The following TBCK variants were observed in gnomAD, a reference collection of about 807,000 sequenced individuals.
The protein encoded by TBCK is TBC domain-containing protein kinase-like protein.
A neutral mutation model predicts 113.4 loss-of-function variants in TBCK; 99 were observed. The ratio of observed to expected loss-of-function variants is 0.87; its 90% confidence interval spans 0.74 to 1.03. TBCK has a LOEUF of 1.03. Ranked by LOEUF, TBCK falls within the 50% of genes least tolerant of loss-of-function variation. TBCK has a pLI of 0.00. For missense variants in TBCK, 1,045 were observed against 1,061.3 expected (o/e 0.98, Z 0.21); for synonymous variants, 369 against 370.8 (o/e 1.00, Z 0.05).
chr4:106,126,252 G>T (rs1745199826), intron 23 of TBCK, among the ~76,000 whole-genome samples: 1 of 151,996 alleles, frequency 6.6e-6, no homozygotes, highest in African/African-American at 2.4e-5. Flanking sequence ...CAGGTATCTG[G>T]TATACATCTT....
intron 22 of TBCK, among the ~76,000 whole-genome samples, chr4:106,193,034 A>G (rs940564232): frequency 3.9e-5 from 6 of 152,124 alleles, no homozygotes; most frequent in African/African-American, 1.4e-4. Context: ...ATAGTTATCC[A>G]TATTTCTACA....
intron 25 of TBCK, among the ~76,000 whole-genome samples, chr4:106,051,411 A>G (rs555838875): frequency 6.6e-6 from 1 of 152,056 alleles, no homozygotes; most frequent in East Asian, 1.9e-4. Context: ...TATCTCTTCC[A>G]TTTTATCTGG....
intron 25 of TBCK, among the ~76,000 whole-genome samples, chr4:106,094,360 G>A (rs1167535853): frequency 2.0e-5 from 3 of 152,016 alleles, no homozygotes; most frequent in Non-Finnish European, 2.9e-5. Context: ...TTCAAGAAGT[G>A]TTTTTTGCCT....
chr4:106,126,509 T>C (rs1226223612), intron 23 of TBCK, among the ~76,000 whole-genome samples: 1 of 152,212 alleles, frequency 6.6e-6, no homozygotes, highest in African/African-American at 2.4e-5. Flanking sequence ...ATTATAGTAA[T>C]TACTATTTGT....
rs115693821 is a variant in TBCK at position 106,302,276 on chromosome 4, C to T, written c.193+6492G>A. 7.8e-3 allele frequency among the ~76,000 whole-genome samples: 1,190 copies of T among 152,214 alleles called. 14 individuals are homozygous for T. Among genetic ancestry groups the T allele is most frequent in the African/African-American group, 0.027 (1,139 of 41,524 alleles). ...GTAAACAGCAATATAGTGGACAGGG[C>T]TAACGGGACTAACCATGCTGTTGAA... On this transcript the variant is annotated intron_variant, in intron 2 of 25. Transcript: ENST00000394708.
At position 106,282,946 on chromosome 4, in the gene TBCK, A is replaced by G. The variant is rs1005038919; in HGVS notation, c.266+12148T>C. ...TGCGAGGAACTAAATTCTGCCAACA[A>G]CCTTTATCAGCTTAGAGAAGAATTC... On this transcript the variant is annotated intron_variant, in intron 3 of 25. Coordinates refer to ENST00000394708, the MANE Select transcript of TBCK (RefSeq NM_001163435.3). Among the ~76,000 whole-genome samples, 5 of 152,064 alleles carry G rather than the reference A, an allele frequency of 3.3e-5. No individual in the cohort carries two copies. The East Asian group carries it at 9.6e-4, about 29-fold the overall frequency.
intron 2 of TBCK, among the ~76,000 whole-genome samples, chr4:106,301,181 TATA>T (rs56823953): frequency 0.13 from 20,448 of 151,474 alleles, 1,626 homozygotes; most frequent in South Asian, 0.24. Flanking sequence ...TAATTATATA[TATA>T]ATTTGTTCTG....
At chr4:106,059,450 T>C (rs1285078604) in intron 25 of TBCK, among the ~76,000 whole-genome samples, 1 of 151,694 alleles carries the variant, frequency 6.6e-6, no homozygotes, top group Non-Finnish European at 1.5e-5. Context: ...TTTTCATTAT[T>C]ATTATATCTG....
chr4:106,286,610 C>T (rs1367076876), intron 3 of TBCK, among the ~76,000 whole-genome samples: 1 of 152,052 alleles, frequency 6.6e-6, no homozygotes, highest in African/African-American at 2.4e-5. Flanking sequence ...GAAGATCACT[C>T]GGGCCTAGGA....
intron 18 of TBCK, 77 bp from the exon 19 acceptor site, chr4:106,230,523 C>T: frequency 4.2e-6 from 3 of 710,120 alleles, no homozygotes; most frequent in Admixed American, 5.3e-5. Flanking sequence ...ATTCACTTAG[C>T]ACATATTCCT....
chr4:106,100,931 T>C (rs907833534), intron 24 of TBCK, among the ~76,000 whole-genome samples: 1 of 152,232 alleles, frequency 6.6e-6, no homozygotes, highest in Non-Finnish European at 1.5e-5. Flanking sequence ...CTTTTCTTTG[T>C]TAGGTTACTA....
At chr4:106,079,781 TCA>T (rs1233371180) in intron 25 of TBCK, among the ~76,000 whole-genome samples, 1 of 152,164 alleles carries the variant, frequency 6.6e-6, no homozygotes, top group East Asian at 1.9e-4. Flanking sequence ...TTTCATTGGC[TCA>T]CAGTTCTGCA....
At position 106,291,175 on chromosome 4, in the gene TBCK, A is replaced by G. The variant is rs552211108; in HGVS notation, c.266+3919T>C. Among the ~76,000 whole-genome samples, 89 of 152,306 alleles carry G rather than the reference A, an allele frequency of 5.8e-4. 3 individuals are homozygous for G. The highest frequency in any genetic ancestry group is 1.7e-3 in the Admixed American group (26 of 15,306). The stretch of plus-strand genomic sequence containing the variant: ...TAAGTCAAAATGCAACATTTATTTT[A>G]GTCTGCACGTGGCCTGCCTATTATT... On this transcript the variant is annotated intron_variant, in intron 3 of 25. Coordinates refer to ENST00000394708, the MANE Select transcript of TBCK (RefSeq NM_001163435.3).
At chr4:106,213,302 A>G (rs1756387720) in intron 19 of TBCK, 1 of 153,440 alleles carries the variant, frequency 6.5e-6, no homozygotes, top group African/African-American at 2.4e-5. Flanking sequence ...TCCAGTTCTA[A>G]TTTATTTCCA....
rs564309752 is a variant in TBCK, at chr4:106,143,973, A to G, written c.2235+27122T>C. ...AATTACTCTTGCACCAACCTAACATATGAAGAATCACTGAGTAAAAGAAAT... is the reference window on the plus strand; with the variant it reads ...AATTACTCTTGCACCAACCTAACATGTGAAGAATCACTGAGTAAAAGAAAT... On this transcript the variant is annotated intron_variant, in intron 23 of 25. Transcript: ENST00000394708. 5.8e-4 allele frequency among the ~76,000 whole-genome samples: 89 copies of G among 152,192 alleles called. 3 individuals carry two copies. Among genetic ancestry groups the G allele is most frequent in the Admixed American group, 1.7e-3 (26 of 15,284 alleles).
At chr4:106,293,425 C>T (rs961538203) in intron 3 of TBCK, among the ~76,000 whole-genome samples, 7 of 152,284 alleles carry the variant, frequency 4.6e-5, no homozygotes, top group Admixed American at 1.3e-4. Context: ...ACTGACTCTA[C>T]ATTATGGTGA....
intron 19 of TBCK, among the ~76,000 whole-genome samples, chr4:106,217,504 A>G (rs1190108260): frequency 6.6e-6 from 1 of 152,198 alleles, no homozygotes; most frequent in Non-Finnish European, 1.5e-5. Flanking sequence ...TTAGCTGATA[A>G]GCAACTTCAG....
intron 19 of TBCK, chr4:106,213,512 CACCGTGCGCGA>C (rs934057020): frequency 5.6e-5 from 9 of 159,726 alleles, no homozygotes; most frequent in African/African-American, 1.4e-4. Flanking sequence ...TGGGTGCGCG[CACCGTGCGCGA>C]GCCAAAGCAG....
intron 2 of TBCK, among the ~76,000 whole-genome samples, chr4:106,302,026 TTACTC>T (rs1421675548): frequency 6.6e-6 from 1 of 152,202 alleles, no homozygotes; most frequent in Non-Finnish European, 1.5e-5. Flanking sequence ...ACATAAGCAA[TTACTC>T]TAACGGTAAA....
Sources: allele counts gnomAD v4.1 joint callset (sites outside exome capture counted in the v4.1 genomes callset), GRCh38; gene constraint gnomAD v4.1.1; transcripts MANE v1.5; gene names NCBI Gene and HGNC (gene_info 2026-07-23, HGNC 2026-07-21).